FBLN7: variants seen among roughly 807,000 people sequenced by gnomAD.
FBLN7 encodes the protein fibulin-7.
A neutral mutation model predicts 44.0 loss-of-function variants in FBLN7; 31 were observed. The ratio of observed to expected loss-of-function variants is 0.70; its 90% CI spans 0.53 to 0.95. The LOEUF is 0.95. Ranked by LOEUF, FBLN7 falls within the 40% of genes least tolerant of loss-of-function variation. FBLN7 has a pLI of 0.00. For synonymous variants in FBLN7, 262 were observed against 253.4 expected (o/e 1.03, Z -0.32); for missense variants, 573 against 618.5 (o/e 0.93, Z 0.78).
the FBLN7 span, among the ~76,000 whole-genome samples, chr2:112,197,308 CAG>C: frequency 2.7e-5 from 3 of 111,900 alleles, no homozygotes; most frequent in Non-Finnish European, 5.8e-5. Context: ...GAGAGAGAGA[CAG>C]AGAGAGAAAC....
chr2:112,173,868 A>G (rs1386203950), intron 3 of FBLN7, among the ~76,000 whole-genome samples: 1 of 152,218 alleles, frequency 6.6e-6, no homozygotes, highest in East Asian at 1.9e-4. Flanking sequence ...AGATAAAGAG[A>G]GTCTGAATGC....
the FBLN7 span, among the ~76,000 whole-genome samples, chr2:112,195,475 C>T: frequency 3.9e-5 from 6 of 152,144 alleles, 1 homozygote; most frequent in Non-Finnish European, 8.8e-5. Context: ...AGGCAAACCT[C>T]CATCATAGGA....
At chr2:112,195,027 G>T in the FBLN7 span, among the ~76,000 whole-genome samples, 1 of 152,148 alleles carries the variant, frequency 6.6e-6, no homozygotes, top group South Asian at 2.1e-4. Flanking sequence ...TGGAGAAGTT[G>T]GCACTTGATT....
At chr2:112,156,427 G>A (rs1681430547) in intron 1 of FBLN7, among the ~76,000 whole-genome samples, 1 of 152,190 alleles carries the variant, frequency 6.6e-6, no homozygotes, top group African/African-American at 2.4e-5. Flanking sequence ...GCCAGTAGCT[G>A]AACTATTCTT....
rs371147175 is a variant in FBLN7 at position 112,139,962 on chromosome 2, T to C, written c.75+1232T>C. ...TCCCTCCCGCCTCTCTCCACGCCAG[T>C]GTCCCTCCCGCCTCTCTCCAGGCCA... is the stretch of plus-strand genomic sequence containing the variant. On this transcript the variant is annotated intron_variant, in intron 1 of 7. Transcript: ENST00000331203. 2.8e-3 allele frequency among the ~76,000 whole-genome samples: 139 copies of C among 49,504 alleles called. 2 individuals are homozygous for C. The highest frequency in any genetic ancestry group is 0.016 in the East Asian group (5 of 312). The allele number at this position is 49,504 out of a possible 152,430, so 32.5% of individuals were successfully genotyped here.
At chr2:112,168,128 C>T (rs1682266472) in intron 3 of FBLN7, among the ~76,000 whole-genome samples, 1 of 152,154 alleles carries the variant, frequency 6.6e-6, no homozygotes, top group South Asian at 2.1e-4. Flanking sequence ...GGTATCCTCC[C>T]GAGTCTTGCC....
the FBLN7 span, among the ~76,000 whole-genome samples, chr2:112,219,236 G>C: frequency 6.6e-6 from 1 of 152,110 alleles, no homozygotes; most frequent in Admixed American, 6.6e-5. Flanking sequence ...ATAAAAGATA[G>C]ACATATAGAG....
chr2:112,201,067 A>G, the FBLN7 span, among the ~76,000 whole-genome samples: 2 of 152,174 alleles, frequency 1.3e-5, no homozygotes, highest in Admixed American at 1.3e-4. Context: ...ACAATTTGAG[A>G]CAAGGAGTGT....
At chr2:112,221,552 T>C in the FBLN7 span, among the ~76,000 whole-genome samples, 1 of 152,184 alleles carries the variant, frequency 6.6e-6, no homozygotes, top group East Asian at 1.9e-4. Context: ...AACGAACTAA[T>C]ACAGTCTTCT....
At chr2:112,158,504 C>T (rs770443456) in intron 1 of FBLN7, among the ~76,000 whole-genome samples, 20 of 152,140 alleles carry the variant, frequency 1.3e-4, no homozygotes, top group African/African-American at 3.6e-4. Flanking sequence ...GGTGCAGTCT[C>T]GGCTCACTGC....
At chr2:112,175,495 G>A (rs1326416537) in intron 3 of FBLN7, among the ~76,000 whole-genome samples, 1 of 152,222 alleles carries the variant, frequency 6.6e-6, no homozygotes. Flanking sequence ...CCTGGGTGCA[G>A]GGCCTGCTGA....
intron 3 of FBLN7, among the ~76,000 whole-genome samples, chr2:112,172,845 G>A (rs909485762): frequency 1.3e-5 from 2 of 151,972 alleles, no homozygotes; most frequent in African/African-American, 2.4e-5. Context: ...TGTTGGCCAG[G>A]CTGGTCTTGA....
chr2:112,210,934 G>A, the FBLN7 span, among the ~76,000 whole-genome samples: 1 of 152,142 alleles, frequency 6.6e-6, no homozygotes, highest in Non-Finnish European at 1.5e-5. Context: ...TGGCTGATCT[G>A]AGGGCTACGG....
chr2:112,192,543 G>T (rs1165270014), downstream of FBLN7, among the ~76,000 whole-genome samples: 1 of 152,178 alleles, frequency 6.6e-6, no homozygotes, highest in East Asian at 1.9e-4. Context: ...TTCTGGATGG[G>T]TTTTAAAAAT....
intron 3 of FBLN7, among the ~76,000 whole-genome samples, chr2:112,174,305 G>A (rs1269959894): frequency 1.3e-5 from 2 of 152,232 alleles, no homozygotes; most frequent in African/African-American, 4.8e-5. Context: ...CAACCAGGCT[G>A]AGGTTACTGA....
At chr2:112,202,456 C>A in the FBLN7 span, among the ~76,000 whole-genome samples, 9 of 151,322 alleles carry the variant, frequency 5.9e-5, no homozygotes, top group South Asian at 1.9e-3. Context: ...TTTTTAAGTG[C>A]AGGGTTTTTT....
At chr2:112,224,625 C>A in the FBLN7 span, among the ~76,000 whole-genome samples, 2 of 152,090 alleles carry the variant, frequency 1.3e-5, no homozygotes, top group Non-Finnish European at 2.9e-5. Context: ...TATATCCATA[C>A]AAAAGAACAC....
At chr2:112,157,593 C>T (rs1681497648) in intron 1 of FBLN7, among the ~76,000 whole-genome samples, 1 of 152,064 alleles carries the variant, frequency 6.6e-6, no homozygotes, top group Non-Finnish European at 1.5e-5. Flanking sequence ...CCCTCCTTTA[C>T]TATTTTTCAT....
the FBLN7 span, among the ~76,000 whole-genome samples, chr2:112,207,502 G>C: frequency 4.7e-5 from 7 of 150,430 alleles, no homozygotes; most frequent in African/African-American, 1.7e-4. Context: ...TTCTACTCTT[G>C]TTTGAGGTAT....
Sources: gnomAD v4.1 joint callset for allele counts (sites outside exome capture counted in the v4.1 genomes callset) on GRCh38, gnomAD v4.1.1 for gene constraint, MANE v1.5 for transcripts, NCBI Gene and HGNC (gene_info 2026-07-23, HGNC 2026-07-21) for gene names.